The following BASP1 variants were observed in gnomAD, a reference collection of about 807,000 sequenced individuals.
BASP1 encodes the protein brain abundant membrane attached signal protein 1, also known as brain acid soluble protein 1.
A neutral mutation model predicts 2.2 loss-of-function variants in BASP1; 1 was observed. The observed-to-expected ratio is 0.46, with a 90% CI of 0.16 to 2.17. The LOEUF (loss-of-function observed/expected upper bound fraction) is 2.17, where lower values mean the gene tolerates loss of function less well. Among genes scored for constraint, BASP1 ranks in the 30% most tolerant of loss-of-function variants. BASP1 has a pLI of 0.27. For missense variants in BASP1, 352 were observed against 327.2 expected (o/e 1.08, Z -0.58); for synonymous variants, 187 against 154.2 (o/e 1.21, Z -1.58).
At chr5:17,255,946 A>G (rs1178861340) in intron 1 of BASP1, among the ~76,000 whole-genome samples, 1 of 152,222 alleles carries the variant, frequency 6.6e-6, no homozygotes, top group African/African-American at 2.4e-5. Context: ...AGATACTCAC[A>G]TGAAGGAGGC....
chr5:17,270,737 C>G (rs1323229436), intron 1 of BASP1, among the ~76,000 whole-genome samples: 1 of 152,158 alleles, frequency 6.6e-6, no homozygotes, highest in Non-Finnish European at 1.5e-5. Flanking sequence ...AATTTTCAAA[C>G]TAAATGATGG....
rs377212857 is a variant in BASP1, at chr5:17,262,728, C to T, written c.-9-12480C>T. Among the ~76,000 whole-genome samples the T allele has an allele frequency of 7.2e-5, 11 of 152,218 alleles. No homozygotes were observed. In the East Asian group the frequency reaches 7.7e-4, roughly 11 times the overall value. The stretch of plus-strand genomic sequence containing the variant: ...TTCTCTTGATAACGTTTGACTTACT[C>T]TCATTTATATTTTAATTGTCTTCAT... On this transcript the variant is annotated intron_variant, in intron 1 of 1. Coordinates refer to ENST00000322611, the MANE Select transcript of BASP1 (RefSeq NM_006317.5).
chr5:17,223,946 G>A (rs1228435549), intron 1 of BASP1, among the ~76,000 whole-genome samples: 1 of 152,170 alleles, frequency 6.6e-6, no homozygotes, highest in African/African-American at 2.4e-5. Context: ...CTCCATACCT[G>A]GAGTAAAACT....
At chr5:17,237,582 A>G (rs909070185) in intron 1 of BASP1, among the ~76,000 whole-genome samples, 11 of 151,336 alleles carry the variant, frequency 7.3e-5, no homozygotes, top group African/African-American at 2.4e-4. Flanking sequence ...AACAGGTTCT[A>G]TAATCTGGTT....
At position 17,268,292 on chromosome 5, in the gene BASP1, T is replaced by C. The variant is rs564130219; in HGVS notation, c.-9-6916T>C. Among the ~76,000 whole-genome samples the C allele has an allele frequency of 1.1e-4, 17 of 152,346 alleles. No individual in the cohort carries two copies. The East Asian group carries it at 2.7e-3, about 24-fold the overall frequency. ...CAAATAAAATATTTCATAATTTATT[T>C]TTTTCTTATACGGCATTTTGCTATC... On this transcript the variant is annotated intron_variant, in intron 1 of 1. Transcript: ENST00000322611.
At chr5:17,228,231 C>T (rs1739558473) in intron 1 of BASP1, among the ~76,000 whole-genome samples, 1 of 152,188 alleles carries the variant, frequency 6.6e-6, no homozygotes. Context: ...GCCATCCAGA[C>T]AGAGAGCCTG....
intron 1 of BASP1, among the ~76,000 whole-genome samples, chr5:17,264,919 ATAT>A (rs1296038097): frequency 2.0e-5 from 3 of 152,328 alleles, no homozygotes; most frequent in East Asian, 3.9e-4. Context: ...AAGTGCTTAG[ATAT>A]TATAATAATG....
At chr5:17,256,188 C>T (rs1447365084) in intron 1 of BASP1, among the ~76,000 whole-genome samples, 2 of 152,232 alleles carry the variant, frequency 1.3e-5, no homozygotes, top group Non-Finnish European at 2.9e-5. Flanking sequence ...CAGAAAACTA[C>T]ATTAGGAAAG....
chr5:17,237,648 G>C (rs2126497936), intron 1 of BASP1, among the ~76,000 whole-genome samples: 1 of 138,582 alleles, frequency 7.2e-6, no homozygotes, highest in Middle Eastern at 5.2e-3. Context: ...CCGTGATGGA[G>C]TCTCGCTCTG....
intron 1 of BASP1, among the ~76,000 whole-genome samples, chr5:17,253,832 C>T (rs938825430): frequency 6.6e-6 from 1 of 152,020 alleles, no homozygotes; most frequent in Non-Finnish European, 1.5e-5. Context: ...AACAAATTTA[C>T]GTGTGTTTTA....
At chr5:17,229,028 A>G (rs1223416902) in intron 1 of BASP1, among the ~76,000 whole-genome samples, 1 of 152,116 alleles carries the variant, frequency 6.6e-6, no homozygotes, top group African/African-American at 2.4e-5. Flanking sequence ...AAAAAAAACA[A>G]AACTCTTAGG....
Position 17,260,119 on chromosome 5 carries a change from A to C in BASP1, c.-9-15089A>C, listed in dbSNP as rs976581802. Among the ~76,000 whole-genome samples, 2 of 152,228 alleles carry C rather than the reference A, an allele frequency of 1.3e-5. No individual in the cohort carries two copies. The highest frequency in any genetic ancestry group is 4.8e-5 in the African/African-American group (2 of 41,456). ...GGGGCTTTTGAAAGGACCACCCGTT[A>C]AGTGCAAATAAATAACAATGTGAAC... On this transcript the variant is annotated intron_variant, in intron 1 of 1. Transcript: ENST00000322611. This position sits in a 1 kb window ranked among gnomAD's most constrained non-coding sequence, Gnocchi z 4.2.
intron 1 of BASP1, among the ~76,000 whole-genome samples, chr5:17,268,365 C>T (rs1215818054): frequency 6.6e-6 from 1 of 152,130 alleles, no homozygotes; most frequent in Admixed American, 6.5e-5. Context: ...AATTTTAATA[C>T]AGTAGGCTGT....
At chr5:17,256,017 T>A (rs1740203034) in intron 1 of BASP1, among the ~76,000 whole-genome samples, 1 of 152,198 alleles carries the variant, frequency 6.6e-6, no homozygotes, top group Non-Finnish European at 1.5e-5. Flanking sequence ...TGCACCCAGC[T>A]GAGGGAATCT....
At chr5:17,263,340 G>A (rs913541238) in intron 1 of BASP1, among the ~76,000 whole-genome samples, 4 of 150,610 alleles carry the variant, frequency 2.7e-5, no homozygotes, top group African/African-American at 9.8e-5. Flanking sequence ...TCACTATTTT[G>A]CCCAGGCTGG....
intron 1 of BASP1, among the ~76,000 whole-genome samples, chr5:17,238,923 G>C (rs1421648066): frequency 3.3e-5 from 5 of 152,164 alleles, no homozygotes; most frequent in African/African-American, 1.2e-4. Context: ...CTTCCCAGCT[G>C]TCTGATCAAC....
intron 1 of BASP1, among the ~76,000 whole-genome samples, chr5:17,237,310 C>T (rs1739768077): frequency 6.6e-6 from 1 of 152,078 alleles, no homozygotes; most frequent in Non-Finnish European, 1.5e-5. Flanking sequence ...CACCACTGCA[C>T]TCCAGCCTGG....
At chr5:17,249,563 TAAAATCACAAAACC>T in intron 1 of BASP1, among the ~76,000 whole-genome samples, 1 of 152,092 alleles carries the variant, frequency 6.6e-6, no homozygotes, top group African/African-American at 2.4e-5. Context: ...TAACCCTTCC[TAAAATCACAAAACC>T]AAAGGGTTTT....
chr5:17,236,796 A>T lies in BASP1; in HGVS notation c.-10+18986A>T, dbSNP rs148050322. On this transcript the variant is annotated intron_variant, in intron 1 of 1. Transcript: ENST00000322611. This position sits in a 1 kb window ranked among gnomAD's most constrained non-coding sequence, Gnocchi z 4.0. ...TGGTGAGCAATGCACTCTTAACTAGACCCATATCTTAAGGGAAAAAAATGT... is the reference window on the plus strand; with the variant it reads ...TGGTGAGCAATGCACTCTTAACTAGTCCCATATCTTAAGGGAAAAAAATGT... Among the ~76,000 whole-genome samples the T allele has an allele frequency of 3.2e-3, 482 of 152,232 alleles. 4 individuals are homozygous for T. The highest frequency in any genetic ancestry group is 0.011 in the African/African-American group (461 of 41,536).
Sources: gnomAD v4.1 joint callset for allele counts (sites outside exome capture counted in the v4.1 genomes callset) on GRCh38, gnomAD v4.1.1 for gene constraint, Gnocchi (gnomAD v3.1) non-coding constraint, MANE v1.5 for transcripts, NCBI Gene and HGNC (gene_info 2026-07-23, HGNC 2026-07-21) for gene names.